Variants in AKAP19 observed in about 807,000 individuals in gnomAD.
AKAP19 encodes the protein A-kinase anchoring protein 19, also known as small A-kinase anchoring protein.
At chr2:190,069,163 TGTGTGTGTGTGTGA>T in the AKAP19 span, among the ~76,000 whole-genome samples, 1 of 142,742 alleles carries the variant, frequency 7.0e-6, no homozygotes, top group Non-Finnish European at 1.5e-5. Flanking sequence ...TGTGTGTGTG[TGTGTGTGTGTGTGA>T]GAGAGAGAGA....
At chr2:190,123,101 C>A in the AKAP19 span, among the ~76,000 whole-genome samples, 8 of 151,910 alleles carry the variant, frequency 5.3e-5, no homozygotes, top group African/African-American at 1.5e-4. Flanking sequence ...CATGAGCCCC[C>A]CACACACACA....
the AKAP19 span, among the ~76,000 whole-genome samples, chr2:190,007,286 A>G: frequency 1.3e-5 from 2 of 152,222 alleles, no homozygotes; most frequent in South Asian, 4.1e-4. Context: ...CTCTGTCCAA[A>G]AATTGAGTGG....
chr2:190,187,093 A>C, the AKAP19 span, among the ~76,000 whole-genome samples: 2 of 152,104 alleles, frequency 1.3e-5, no homozygotes, highest in South Asian at 4.1e-4. Flanking sequence ...GCCCACCTCG[A>C]GTTATGTTTT....
At chr2:190,105,171 C>T in the AKAP19 span, among the ~76,000 whole-genome samples, 11 of 152,122 alleles carry the variant, frequency 7.2e-5, no homozygotes, top group African/African-American at 2.4e-4. Flanking sequence ...CAAAAAGACA[C>T]ATATACTCAT....
the AKAP19 span, among the ~76,000 whole-genome samples, chr2:190,184,009 T>C: frequency 6.6e-6 from 1 of 152,092 alleles, no homozygotes; most frequent in African/African-American, 2.4e-5. Flanking sequence ...AAGTATACTA[T>C]GCACAACATG....
the AKAP19 span, among the ~76,000 whole-genome samples, chr2:190,052,165 C>T: frequency 2.0e-5 from 3 of 152,068 alleles, no homozygotes; most frequent in African/African-American, 7.2e-5. Flanking sequence ...GGCACCTGGC[C>T]TCATTCAGAG....
chr2:189,979,818 A>G, the AKAP19 span, among the ~76,000 whole-genome samples: 1 of 152,228 alleles, frequency 6.6e-6, no homozygotes, highest in Admixed American at 6.5e-5. Flanking sequence ...ACATGAAAAA[A>G]TGCTCCACAT....
chr2:190,081,520 A>T, the AKAP19 span, among the ~76,000 whole-genome samples: 1 of 152,200 alleles, frequency 6.6e-6, no homozygotes, highest in South Asian at 2.1e-4. Context: ...ATATTTAAGC[A>T]TTAACCATCT....
chr2:190,085,245 G>C, the AKAP19 span, among the ~76,000 whole-genome samples: 1 of 152,240 alleles, frequency 6.6e-6, no homozygotes, highest in African/African-American at 2.4e-5. Flanking sequence ...TGGTAATTAG[G>C]TTTCCTGGTT....
chr2:190,152,241 A>G, the AKAP19 span, among the ~76,000 whole-genome samples: 1 of 152,176 alleles, frequency 6.6e-6, no homozygotes, highest in African/African-American at 2.4e-5. Context: ...TTGTTTTCTA[A>G]TACTTTTATC....
chr2:189,900,147 AGTATTGAATT>A, the AKAP19 span, among the ~76,000 whole-genome samples: 2 of 152,340 alleles, frequency 1.3e-5, no homozygotes, highest in Admixed American at 6.5e-5. Flanking sequence ...AACTTAAAAC[AGTATTGAATT>A]GTTGCAATTT....
chr2:190,077,235 T>C, the AKAP19 span, among the ~76,000 whole-genome samples: 7 of 151,804 alleles, frequency 4.6e-5, no homozygotes, highest in Non-Finnish European at 8.8e-5. Flanking sequence ...TTTTTTTTTT[T>C]AATTGAGATG....
At chr2:189,918,339 C>G in the AKAP19 span, among the ~76,000 whole-genome samples, 2 of 152,050 alleles carry the variant, frequency 1.3e-5, no homozygotes, top group Non-Finnish European at 2.9e-5. Context: ...TATTCTCATA[C>G]AGTGGGCCTC....
the AKAP19 span, chr2:189,930,199 C>T: frequency 5.7e-6 from 1 of 176,212 alleles, no homozygotes; most frequent in Non-Finnish European, 1.2e-5. Flanking sequence ...GTTCTTTGGG[C>T]TTAGTGACAA....
At chr2:189,898,892 T>C in the AKAP19 span, among the ~76,000 whole-genome samples, 2 of 152,226 alleles carry the variant, frequency 1.3e-5, no homozygotes, top group Non-Finnish European at 2.9e-5. Context: ...TTCCTTGTTA[T>C]AGTCAACCTT....
At chr2:189,992,436 A>G in the AKAP19 span, among the ~76,000 whole-genome samples, 1 of 152,324 alleles carries the variant, frequency 6.6e-6, no homozygotes, top group South Asian at 2.1e-4. Context: ...GCCTTGTAAT[A>G]TAATTTGAAG....
chr2:189,981,786 T>G, the AKAP19 span, among the ~76,000 whole-genome samples: 5 of 152,246 alleles, frequency 3.3e-5, no homozygotes, highest in African/African-American at 1.2e-4. Flanking sequence ...ATATGAAATT[T>G]TGGGCTGGCT....
chr2:190,035,407 GGC>G, the AKAP19 span, among the ~76,000 whole-genome samples: 21 of 152,038 alleles, frequency 1.4e-4, no homozygotes, highest in Admixed American at 1.2e-3. Context: ...CTCCAGCCTG[GGC>G]AACAGAGCCA....
At chr2:190,059,558 G>C in the AKAP19 span, among the ~76,000 whole-genome samples, 1 of 151,824 alleles carries the variant, frequency 6.6e-6, no homozygotes, top group Non-Finnish European at 1.5e-5. Context: ...ATTTAATAAA[G>C]TATAAGCCTA....
Sources: gnomAD v4.1 joint callset for allele counts (sites outside exome capture counted in the v4.1 genomes callset) on GRCh38, gnomAD v4.1.1 for gene constraint, MANE v1.5 for transcripts, NCBI Gene and HGNC (gene_info 2026-07-23, HGNC 2026-07-21) for gene names.